The following PAX5 variants were observed in gnomAD, a reference collection of about 807,000 sequenced individuals.
PAX5 encodes paired box 5.
Under a neutral mutation model 43.7 loss-of-function variants are expected in PAX5, and 9 were observed. That is an observed-to-expected ratio of 0.21 (90% CI 0.12 to 0.36). PAX5 has a LOEUF of 0.36. PAX5 is among the 10% of genes least tolerant of loss of function. The pLI is 1.00. For synonymous variants in PAX5, 228 were observed against 214.3 expected (o/e 1.06, Z -0.56); for missense variants, 383 against 532.7 (o/e 0.72, Z 2.77).
chr9:36,840,258 GA>G lies in PAX5; in HGVS notation c.*301del. ...TGGATGGATAGTCAGACAGCTGGAG[GA>G]CAGGCAGGCTGGGCTGGGGCTGCGG... On this transcript the variant is annotated 3_prime_UTR_variant, in exon 10 of 10. Coordinates refer to ENST00000358127, the MANE Select transcript of PAX5 (RefSeq NM_016734.3). 1.9e-6 allele frequency: 1 copy of G among 528,650 alleles called. No individual in the cohort carries two copies. Among genetic ancestry groups the G allele is most frequent in the Non-Finnish European group, 3.4e-6 (1 of 296,432 alleles). The allele number at this position is 528,650 out of a possible 1,614,324, so 32.7% of individuals were successfully genotyped here.
intron 1 of PAX5, among the ~76,000 whole-genome samples, chr9:37,030,497 C>G (rs780476820): frequency 6.6e-6 from 1 of 152,244 alleles, no homozygotes; most frequent in South Asian, 2.1e-4. Context: ...CACCGCGGCT[C>G]TCAACGCAGT....
At chr9:36,924,735 G>A (rs1830458844) in intron 6 of PAX5, among the ~76,000 whole-genome samples, 2 of 18,278 alleles carry the variant, frequency 1.1e-4, no homozygotes, top group South Asian at 3.0e-3. Flanking sequence ...AGAAAGAGGT[G>A]GAAGGAAGGA....
intron 5 of PAX5, among the ~76,000 whole-genome samples, chr9:36,983,760 C>T (rs1403447042): frequency 6.6e-6 from 1 of 152,150 alleles, no homozygotes; most frequent in Admixed American, 6.5e-5. Context: ...AGGCATGAGC[C>T]ACCTTGCCCA....
chr9:36,939,366 C>A (rs1328924564), intron 6 of PAX5, among the ~76,000 whole-genome samples: 1 of 152,132 alleles, frequency 6.6e-6, no homozygotes, highest in Non-Finnish European at 1.5e-5. Context: ...TTGGGCAGGG[C>A]TGACCCATTT....
At chr9:37,017,189 A>G (rs556940193) in intron 2 of PAX5, among the ~76,000 whole-genome samples, 35 of 152,320 alleles carry the variant, frequency 2.3e-4, no homozygotes, top group African/African-American at 7.9e-4. Flanking sequence ...AATACAACTC[A>G]CTATAATTCA....
chr9:36,907,706 A>G (rs1480998447), intron 7 of PAX5, among the ~76,000 whole-genome samples: 1 of 152,160 alleles, frequency 6.6e-6, no homozygotes, highest in Non-Finnish European at 1.5e-5. Flanking sequence ...AAAATTAAAC[A>G]ACAATGCAGA....
At chr9:36,948,786 A>C (rs1832761069) in intron 6 of PAX5, among the ~76,000 whole-genome samples, 3 of 151,364 alleles carry the variant, frequency 2.0e-5, no homozygotes, top group African/African-American at 7.3e-5. Context: ...ATTCTTAGCC[A>C]CTTTGTCTCC....
chr9:36,916,645 A>G (rs1829747560), intron 7 of PAX5, among the ~76,000 whole-genome samples: 1 of 152,036 alleles, frequency 6.6e-6, no homozygotes, highest in Non-Finnish European at 1.5e-5. Flanking sequence ...ATATATATAT[A>G]TATATTTATA....
intron 8 of PAX5, among the ~76,000 whole-genome samples, chr9:36,877,137 G>T (rs1041203026): frequency 1.3e-5 from 2 of 152,126 alleles, no homozygotes; most frequent in Admixed American, 1.3e-4. Flanking sequence ...AGGAGTTGGA[G>T]ACCAGCCTGG....
chr9:36,912,739 G>A (rs1829404990), intron 7 of PAX5, among the ~76,000 whole-genome samples: 1 of 152,126 alleles, frequency 6.6e-6, no homozygotes, highest in South Asian at 2.1e-4. Flanking sequence ...GGAAGGCTGG[G>A]ACTCGCCAAA....
At chr9:36,932,119 T>A (rs1831183157) in intron 6 of PAX5, among the ~76,000 whole-genome samples, 1 of 151,824 alleles carries the variant, frequency 6.6e-6, no homozygotes. Flanking sequence ...CACAAAAAAA[T>A]TAAAAATTAG....
intron 9 of PAX5, 35 bp downstream of exon 9, chr9:36,846,808 C>A (rs769466676): frequency 6.6e-7 from 1 of 1,522,426 alleles, no homozygotes; most frequent in Non-Finnish European, 9.1e-7. Flanking sequence ...TAGCTGATGG[C>A]CCAAGGGCCC....
chr9:37,029,873 C>CA (rs1840798939), intron 1 of PAX5, among the ~76,000 whole-genome samples: 1 of 152,206 alleles, frequency 6.6e-6, no homozygotes, highest in Non-Finnish European at 1.5e-5. Flanking sequence ...TACGACTTGT[C>CA]CAAAGTCACA....
intron 1 of PAX5, among the ~76,000 whole-genome samples, chr9:37,021,092 A>C (rs908479517): frequency 6.6e-6 from 1 of 152,260 alleles, no homozygotes; most frequent in African/African-American, 2.4e-5. Flanking sequence ...AAATGTGTGA[A>C]GATCTCAATG....
chr9:36,863,836 C>T (rs561145533), intron 8 of PAX5, among the ~76,000 whole-genome samples: 27 of 152,294 alleles, frequency 1.8e-4, no homozygotes, highest in South Asian at 1.2e-3. Flanking sequence ...AGGGGCCGGG[C>T]GCAGTGGCTC....
At chr9:36,991,090 T>C (rs1248915980) in intron 5 of PAX5, among the ~76,000 whole-genome samples, 1 of 141,214 alleles carries the variant, frequency 7.1e-6, no homozygotes, top group African/African-American at 2.7e-5. Flanking sequence ...GCCTGGGCGG[T>C]AGAGCCAGAC....
intron 6 of PAX5, among the ~76,000 whole-genome samples, chr9:36,952,075 A>G (rs1037526849): frequency 2.6e-5 from 4 of 152,040 alleles, no homozygotes; most frequent in African/African-American, 9.7e-5. Context: ...AGGTGATATT[A>G]TTTATTGGAC....
intron 6 of PAX5, among the ~76,000 whole-genome samples, chr9:36,954,209 C>G (rs959084284): frequency 4.6e-5 from 7 of 152,008 alleles, no homozygotes; most frequent in African/African-American, 1.7e-4. Context: ...AGTAATTGGA[C>G]TAAAGTAAGG....
chr9:37,015,349 T>C lies in PAX5; in HGVS notation c.213-155A>G, dbSNP rs1367668606. ...ATGCGGCTTTTGAACATTTGAAATATGGCTAGTCTGAATCAAAATGTGCTG... is the reference window on the plus strand; with the variant it reads ...ATGCGGCTTTTGAACATTTGAAATACGGCTAGTCTGAATCAAAATGTGCTG... On this transcript the variant is annotated intron_variant, in intron 2 of 9. Transcript: ENST00000358127. The surrounding 1 kb of genome is among the most constrained non-coding windows in gnomAD (Gnocchi z 4.4). Among the ~76,000 whole-genome samples, 2 of 152,158 alleles carry C rather than the reference T, an allele frequency of 1.3e-5. No individual in the cohort carries two copies. The highest frequency in any genetic ancestry group is 2.9e-5 in the Non-Finnish European group (2 of 68,030).
Sources: gnomAD v4.1 joint callset for allele counts (sites outside exome capture counted in the v4.1 genomes callset) on GRCh38, gnomAD v4.1.1 for gene constraint, Gnocchi (gnomAD v3.1) non-coding constraint, MANE v1.5 for transcripts, NCBI Gene and HGNC (gene_info 2026-07-23, HGNC 2026-07-21) for gene names.